PNPLA6: variants seen among roughly 807,000 people sequenced by gnomAD.
The protein encoded by PNPLA6 is patatin like domain 6, lysophospholipase.
In PNPLA6, 105 loss-of-function variants were observed where a neutral mutation model predicts 153.7. The ratio of observed to expected loss-of-function variants is 0.68; its 90% CI spans 0.58 to 0.80. The LOEUF is 0.80. PNPLA6 is among the 30% of genes least tolerant of loss of function. PNPLA6 has a pLI of 0.00. For missense variants in PNPLA6, 1,423 were observed against 1,919.3 expected (o/e 0.74, Z 4.83); for synonymous variants, 825 against 822.2 (o/e 1.00, Z -0.06).
intron 13 of PNPLA6, among the ~76,000 whole-genome samples, chr19:7,548,309 A>G (rs149961765): frequency 0.013 from 1,958 of 151,710 alleles, 36 homozygotes; most frequent in African/African-American, 0.045. Context: ...GTATCACTGC[A>G]CTCCAGCCTG....
intron 20 of PNPLA6, 131 bp downstream of exon 20, chr19:7,554,403 T>G (rs918678142): frequency 3.3e-6 from 4 of 1,226,994 alleles, no homozygotes; most frequent in African/African-American, 1.5e-5. Flanking sequence ...ATGGGGAGAT[T>G]CGCAGTGGTG....
upstream of PNPLA6, chr19:7,534,269 G>A (rs1055161552): frequency 1.1e-5 from 3 of 284,650 alleles, no homozygotes; most frequent in African/African-American, 2.2e-5. Context: ...AGCCTCGCAG[G>A]GGTGTCCCTT....
At chr19:7,535,428 T>A, upstream of PNPLA6, 1 of 1,040,946 alleles carries the variant, frequency 9.6e-7, no homozygotes, top group Non-Finnish European at 1.5e-6. The surrounding 1 kb of genome is among the most constrained non-coding windows in gnomAD (Gnocchi z 5.0). Flanking sequence ...GGGCTTGAGC[T>A]GGGGGCAGGG....
chr19:7,553,080 G>A (rs550439757), intron 18 of PNPLA6, among the ~76,000 whole-genome samples: 1 of 152,244 alleles, frequency 6.6e-6, no homozygotes, highest in South Asian at 2.1e-4. Context: ...ACAGGCACTT[G>A]AGCTTATTTA....
chr19:7,555,724 C>CGCCA lies in PNPLA6; in HGVS notation c.3058_3061dup (p.Arg1021GlnfsTer38), dbSNP rs606231167. 1.6e-4 allele frequency: 266 copies of CGCCA among 1,613,668 alleles called. No individual in the cohort carries two copies. Among genetic ancestry groups the CGCCA allele is most frequent in the Non-Finnish European group, 2.2e-4 (258 of 1,179,876 alleles). On this transcript the variant is annotated frameshift_variant, in exon 24 of 32. Coordinates refer to ENST00000600737, the MANE Select transcript of PNPLA6 (RefSeq NM_001166114.2). LOFTEE classifies it high-confidence loss of function. This position sits in a 1 kb window ranked among gnomAD's most constrained non-coding sequence, Gnocchi z 6.3. ...GAGCGTTGTACGCGGAGGAGCGCAG[C>CGCCA]GCCAGCCGCACGAAGCAGCGGGCCC...
intron 15 of PNPLA6, 25 bp from the exon 16 acceptor site, chr19:7,550,492 C>G: frequency 6.2e-7 from 1 of 1,612,774 alleles, no homozygotes; most frequent in Middle Eastern, 1.7e-4. Flanking sequence ...GTGGTCAGAC[C>G]TTGCTGACCT....
chr19:7,560,870 T>G, intron 29 of PNPLA6, 106 bp downstream of exon 29: 1 of 880,488 alleles, frequency 1.1e-6, no homozygotes, highest in Non-Finnish European at 1.9e-6. Context: ...GTCCCTGGGT[T>G]TTGCTGAGCT....
upstream of PNPLA6, chr19:7,535,340 C>T (rs867804126): frequency 1.2e-5 from 8 of 648,374 alleles, no homozygotes; most frequent in Admixed American, 4.5e-5. This position sits in a 1 kb window ranked among gnomAD's most constrained non-coding sequence, Gnocchi z 5.0. Flanking sequence ...TCGGTTTGCT[C>T]CATCCCTTAG....
chr19:7,561,573 AG>A lies in PNPLA6; in HGVS notation c.*15del, dbSNP rs1227652518. The A allele has an allele frequency of 1.9e-6, 3 of 1,579,138 alleles. No homozygotes were observed. In the South Asian group the frequency reaches 3.4e-5, roughly 18 times the overall value. On this transcript the variant is annotated 3_prime_UTR_variant, in exon 32 of 32. Coordinates refer to ENST00000600737, the MANE Select transcript of PNPLA6 (RefSeq NM_001166114.2). ...GCCACAGATGCCTGAGGACCTCGAC[AG>A]GGGTCACCCCCTCCCTCCCACCCCT...
chr19:7,545,893 G>C (rs2023366302), intron 13 of PNPLA6, among the ~76,000 whole-genome samples: 2 of 131,424 alleles, frequency 1.5e-5, no homozygotes, highest in African/African-American at 2.9e-5. Context: ...CTGTGCAACA[G>C]AGTGAGACCC....
chr19:7,560,343 G>GTACT (rs1460672662), intron 28 of PNPLA6, among the ~76,000 whole-genome samples: 1 of 152,092 alleles, frequency 6.6e-6, no homozygotes, highest in Non-Finnish European at 1.5e-5. Flanking sequence ...ATCCACAGAT[G>GTACT]TACTGCCTGT....
At chr19:7,549,798 T>G in intron 13 of PNPLA6, 109 bp from the exon 14 acceptor site, 1 of 1,133,502 alleles carries the variant, frequency 8.8e-7, no homozygotes, top group Non-Finnish European at 1.3e-6. Flanking sequence ...CTTCATATTT[T>G]TCTTAACCCT....
rs1240769325 is a variant in PNPLA6, at chr19:7,554,137, G to A, written c.2402-72G>A. 1.8e-5 allele frequency: 29 copies of A among 1,575,920 alleles called. No individual in the cohort carries two copies. In the South Asian group the frequency reaches 2.4e-4, roughly 13 times the overall value. ...CAGGGCCACAGGGGCGGGGTAATGG[G>A]TATTCTTTTCTGAGTTAGGCCCCAG... On this transcript the variant is annotated intron_variant, in intron 19 of 31. Transcript: ENST00000600737.
At chr19:7,536,926 C>CAA (rs56310906) in intron 3 of PNPLA6, among the ~76,000 whole-genome samples, 160 of 53,934 alleles carry the variant, frequency 3.0e-3, no homozygotes, top group Non-Finnish European at 3.7e-3. Flanking sequence ...GACTCTGTCT[C>CAA]AAAAAAAAAA....
chr19:7,543,032 T>C lies in PNPLA6; in HGVS notation c.1556T>C (p.Val519Ala). The C allele has an allele frequency of 6.2e-7, 1 of 1,613,450 alleles. No individual in the cohort carries two copies. The highest frequency in any genetic ancestry group is 8.5e-7 in the Non-Finnish European group (1 of 1,179,872). ...GACCCCTCCCTCCTGAACAGCAGAG[T>C]CTTGCTGCACCACGCCAAAGCTGGC... is the stretch of plus-strand genomic sequence containing the variant. ...IEDPSLLNSR[V>A]LLHHAKAGTI... is the part of the protein sequence containing the mutation. The change falls in exon 13 of 32, where the codon GTC (valine) becomes GCC (alanine). Residue 519 changes from valine (V) to alanine (A), a missense_variant. By Grantham distance (64) the Val-to-Ala change is moderately conservative (BLOSUM62 0). Coordinates refer to ENST00000600737, the MANE Select transcript of PNPLA6 (RefSeq NM_001166114.2).
At chr19:7,549,853 G>A in intron 13 of PNPLA6, 54 bp from the exon 14 acceptor site, 1 of 1,554,596 alleles carries the variant, frequency 6.4e-7, no homozygotes. Context: ...GTTGACCTGA[G>A]CTGGGGTCCA....
intron 3 of PNPLA6, among the ~76,000 whole-genome samples, chr19:7,537,661 G>A (rs2022939061): frequency 1.3e-5 from 2 of 152,166 alleles, no homozygotes; most frequent in Middle Eastern, 6.8e-3. Context: ...GTTTGTTTTT[G>A]AGATGGAGTC....
chr19:7,537,301 G>C (rs1252997115), intron 3 of PNPLA6, among the ~76,000 whole-genome samples: 1 of 152,248 alleles, frequency 6.6e-6, no homozygotes, highest in Middle Eastern at 3.4e-3. Flanking sequence ...TTCTCCGGGG[G>C]TTATCTCAGG....
chr19:7,536,404 A>G (rs769486013), intron 2 of PNPLA6, 45 bp from the exon 3 acceptor site: 1 of 1,477,906 alleles, frequency 6.8e-7, no homozygotes, highest in Non-Finnish European at 9.5e-7. Context: ...CTCTTCTCCA[A>G]GGTCTGAATT....
Sources: allele counts gnomAD v4.1 joint callset (sites outside exome capture counted in the v4.1 genomes callset), GRCh38; gene constraint gnomAD v4.1.1; non-coding constraint Gnocchi (gnomAD v3.1); transcripts MANE v1.5; gene names NCBI Gene and HGNC (gene_info 2026-07-23, HGNC 2026-07-21).